Variants in ZDHHC17 observed in about 807,000 individuals in gnomAD.
ZDHHC17 encodes the protein palmitoyltransferase ZDHHC17.
Under a neutral mutation model 90.3 loss-of-function variants are expected in ZDHHC17, and 40 were observed. The observed-to-expected ratio is 0.44, with a 90% CI of 0.34 to 0.58. ZDHHC17 has a LOEUF of 0.58. Among genes scored for constraint, ZDHHC17 ranks in the 20% least tolerant of loss-of-function variants. The pLI, the probability that ZDHHC17 is intolerant of heterozygous loss-of-function variation, is 0.01. For synonymous variants in ZDHHC17, 235 were observed against 252.4 expected (o/e 0.93, Z 0.65); for missense variants, 614 against 780.8 (o/e 0.79, Z 2.55).
At chr12:76,844,868 C>T (rs1030503623) in intron 12 of ZDHHC17, 4 of 152,116 alleles carry the variant, frequency 2.6e-5, no homozygotes, top group African/African-American at 9.7e-5. Context: ...GCTCTTTTAT[C>T]ATATGTCTAG....
chr12:76,819,538 C>A (rs1195322047), intron 7 of ZDHHC17, among the ~76,000 whole-genome samples: 2 of 151,996 alleles, frequency 1.3e-5, no homozygotes, highest in Non-Finnish European at 2.9e-5. Flanking sequence ...TCTATAAGAT[C>A]CCCTTTCCCT....
At chr12:76,777,591 A>G (rs1292999335) in intron 1 of ZDHHC17, among the ~76,000 whole-genome samples, 1 of 152,222 alleles carries the variant, frequency 6.6e-6, no homozygotes, top group Non-Finnish European at 1.5e-5. Context: ...TTTGTAAGAA[A>G]CTGACAAGCT....
intron 2 of ZDHHC17, 63 bp from the exon 3 acceptor site, chr12:76,805,254 G>A (rs1952941812): frequency 1.4e-6 from 2 of 1,391,478 alleles, no homozygotes; most frequent in South Asian, 1.3e-5. Context: ...ATCTCAAAAT[G>A]TTATTTTTAA....
intron 1 of ZDHHC17, chr12:76,764,565 A>G (rs1344956945): frequency 1.7e-6 from 1 of 574,166 alleles, no homozygotes; most frequent in African/African-American, 1.9e-5. Context: ...TGCCTGGAGG[A>G]CAGAGGTGGA....
At chr12:76,799,413 AC>A (rs1214136701) in intron 2 of ZDHHC17, among the ~76,000 whole-genome samples, 2 of 152,188 alleles carry the variant, frequency 1.3e-5, no homozygotes, top group Non-Finnish European at 2.9e-5. Context: ...AGTTCTGGAA[AC>A]CTTAACACTA....
intron 1 of ZDHHC17, among the ~76,000 whole-genome samples, chr12:76,797,110 A>C (rs1349911516): frequency 6.6e-6 from 1 of 151,840 alleles, no homozygotes; most frequent in Non-Finnish European, 1.5e-5. Context: ...TAAAAATGCA[A>C]AAAATTAGCT....
intron 1 of ZDHHC17, among the ~76,000 whole-genome samples, chr12:76,795,281 A>G (rs1322645608): frequency 2.0e-5 from 3 of 149,778 alleles, no homozygotes; most frequent in African/African-American, 7.6e-5. Context: ...TTCCATTAAA[A>G]CGTTGTTGTT....
chr12:76,768,225 G>A (rs1952453223), intron 1 of ZDHHC17, among the ~76,000 whole-genome samples: 1 of 152,112 alleles, frequency 6.6e-6, no homozygotes, highest in Non-Finnish European at 1.5e-5. Flanking sequence ...GAAATTAAAG[G>A]CTCTTTGGAT....
chr12:76,821,141 G>T (rs1247361378), intron 7 of ZDHHC17: 2 of 1,283,316 alleles, frequency 1.6e-6, no homozygotes, highest in Admixed American at 2.4e-5. Context: ...CCGGGGAGTT[G>T]TTACCCAAGG....
intron 1 of ZDHHC17, among the ~76,000 whole-genome samples, chr12:76,795,723 AT>A (rs1952811852): frequency 6.6e-6 from 1 of 152,184 alleles, no homozygotes; most frequent in African/African-American, 2.4e-5. Flanking sequence ...AGTCTTATGT[AT>A]TGGCTTGCTT....
intron 10 of ZDHHC17, among the ~76,000 whole-genome samples, chr12:76,838,528 A>G (rs1270122960): frequency 6.6e-6 from 1 of 152,162 alleles, no homozygotes; most frequent in Non-Finnish European, 1.5e-5. Context: ...ATTTTTCTGT[A>G]GCCTAAGAAA....
rs776815093 is a variant in ZDHHC17, at chr12:76,797,772, G to A, written c.197+235G>A. ...AGCCTGGCCGACATGGTGAAACCCC[G>A]TCTCTACTAAAAATACAAAAAATTA... On this transcript the variant is annotated intron_variant, in intron 2 of 16. Coordinates refer to ENST00000426126, the MANE Select transcript of ZDHHC17 (RefSeq NM_015336.4). 2.6e-4 allele frequency among the ~76,000 whole-genome samples: 39 copies of A among 152,140 alleles called. 1 individual carries two copies. Among genetic ancestry groups the A allele is most frequent in the Non-Finnish European group, 1.6e-4 (11 of 67,978 alleles).
At chr12:76,839,157 A>G (rs906571863) in intron 10 of ZDHHC17, among the ~76,000 whole-genome samples, 1 of 152,236 alleles carries the variant, frequency 6.6e-6, no homozygotes, top group Non-Finnish European at 1.5e-5. Context: ...CTTCCTAAAG[A>G]CCACATCTCC....
Position 76,809,110 on chromosome 12 carries a change from TG to T in ZDHHC17, c.391del (p.Ala131ProfsTer13). The T allele has an allele frequency of 6.4e-7, 1 of 1,552,072 alleles. No homozygotes were observed. The highest frequency in any genetic ancestry group is 8.7e-7 in the Non-Finnish European group (1 of 1,150,926). The stretch of plus-strand genomic sequence containing the variant: ...GGACCTGAATTCAACTCCATTGCAC[TG>T]GGCCACAAGGTTTAAATTTGCTTCT... ...GGDLNSTPLHWATRQGHLSMV... is the reference protein window; with the variant it reads ...GGDLNSTPLHXATRQGHLSMV... On this transcript the variant is annotated frameshift_variant, in exon 4 of 17. Coordinates refer to ENST00000426126, the MANE Select transcript of ZDHHC17 (RefSeq NM_015336.4). LOFTEE classifies it high-confidence loss of function.
Position 76,764,134 on chromosome 12 carries a change from A to G in ZDHHC17, c.-103A>G, listed in dbSNP as rs1241747784. On this transcript the variant is annotated 5_prime_UTR_variant, in exon 1 of 17. Coordinates refer to ENST00000426126, the MANE Select transcript of ZDHHC17 (RefSeq NM_015336.4). Reference sequence around the variant, plus strand: ...GGGGGCGTCACGGGGGCAGGAGAAGAAGGAGGAGGAGGCCCGCGTCGCCTC... The same window carrying G: ...GGGGGCGTCACGGGGGCAGGAGAAGGAGGAGGAGGAGGCCCGCGTCGCCTC... 54 of 870,872 alleles carry G rather than the reference A, an allele frequency of 6.2e-5. No individual in the cohort carries two copies. The highest frequency in any genetic ancestry group is 1.0e-4 in the South Asian group (6 of 57,818). The allele number at this position is 870,872 out of a possible 1,614,324, so 53.9% of individuals were successfully genotyped here.
Position 76,809,050 on chromosome 12 carries a change from A to G in ZDHHC17, c.328A>G (p.Ile110Val), listed in dbSNP as rs778017302. 20 of 1,522,166 alleles carry G rather than the reference A, an allele frequency of 1.3e-5. No homozygotes were observed. The African/African-American group carries it at 2.7e-4, about 20-fold the overall frequency. 94.3% of individuals were successfully genotyped at this position (1,522,166 alleles called of 1,614,324 possible). A position where few individuals can be genotyped will look rare whatever the true frequency, so the allele number is the denominator to read the frequency against. Reference protein sequence around the residue: ...NNRIDLVKYYISKGAIVDQLG... With the variant: ...NNRIDLVKYYVSKGAIVDQLG... ...ATAAATTTTGTCTTATAGATACTAT[A>G]TTTCGAAAGGTGCTATTGTGGATCA... The change falls in exon 4 of 17, where the codon ATT becomes GTT. Residue 110 changes from isoleucine (I) to valine (V), a missense_variant. This residue lies in a region of ZDHHC17 where 358 missense variants were observed against 380.4 expected (regional missense o/e 0.94). Transcript: ENST00000426126.
chr12:76,848,127 A>G, intron 14 of ZDHHC17, 106 bp from the exon 15 acceptor site: 3 of 1,187,708 alleles, frequency 2.5e-6, no homozygotes, highest in Non-Finnish European at 3.6e-6. Flanking sequence ...CATCAGTTAA[A>G]TCTAGACTGT....
At chr12:76,776,873 T>G (rs1193702548) in intron 1 of ZDHHC17, among the ~76,000 whole-genome samples, 3 of 152,210 alleles carry the variant, frequency 2.0e-5, no homozygotes, top group African/African-American at 7.2e-5. Flanking sequence ...ACTGTGTAAC[T>G]TTTTATTGAG....
intron 8 of ZDHHC17, among the ~76,000 whole-genome samples, chr12:76,824,169 T>A (rs1953203039): frequency 6.6e-6 from 1 of 152,302 alleles, no homozygotes. Flanking sequence ...ACTTATGGCA[T>A]TATTAAACTA....
Sources: allele counts gnomAD v4.1 joint callset (sites outside exome capture counted in the v4.1 genomes callset), GRCh38; gene constraint gnomAD v4.1.1; regional missense constraint gnomAD v4.1.1; transcripts MANE v1.5; gene names NCBI Gene and HGNC (gene_info 2026-07-23, HGNC 2026-07-21).